DCUN1D3: variants seen among roughly 807,000 people sequenced by gnomAD.
The protein encoded by DCUN1D3 is defective in cullin neddylation 1 domain containing 3.
Under a neutral mutation model 24.8 loss-of-function variants are expected in DCUN1D3, and 6 were observed. The ratio of observed to expected loss-of-function variants is 0.24; its 90% CI spans 0.13 to 0.48. The LOEUF (loss-of-function observed/expected upper bound fraction) is 0.48, where lower values mean the gene tolerates loss of function less well. Among genes scored for constraint, DCUN1D3 ranks in the 20% least tolerant of loss-of-function variants. The pLI, the probability that DCUN1D3 is intolerant of heterozygous loss-of-function variation, is 0.99. For synonymous variants in DCUN1D3, 120 were observed against 144.9 expected (o/e 0.83, Z 1.24); for missense variants, 258 against 379.4 (o/e 0.68, Z 2.66).
chr16:20,861,462 A>T (rs2081732166), intron 2 of DCUN1D3, among the ~76,000 whole-genome samples: 2 of 151,872 alleles, frequency 1.3e-5, no homozygotes, highest in Non-Finnish European at 2.9e-5. Context: ...GGAGGGAGAG[A>T]GGTGTATCCC....
intron 2 of DCUN1D3, among the ~76,000 whole-genome samples, chr16:20,861,301 TG>T (rs2081731156): frequency 6.8e-6 from 1 of 147,962 alleles, no homozygotes; most frequent in Admixed American, 6.7e-5. Flanking sequence ...ACAGTGCAAG[TG>T]GCTTCATGGA....
chr16:20,899,198 T>C (rs2081942087), intron 1 of DCUN1D3, among the ~76,000 whole-genome samples: 1 of 152,236 alleles, frequency 6.6e-6, no homozygotes, highest in Non-Finnish European at 1.5e-5. Context: ...AAGTGCATCA[T>C]GAAAAGTGGG....
rs901093786 is a variant in DCUN1D3, at chr16:20,855,515, A to G, written c.*4371T>C. On this transcript the variant is annotated 3_prime_UTR_variant, in exon 3 of 3. Coordinates refer to ENST00000324344, the MANE Select transcript of DCUN1D3 (RefSeq NM_173475.4). ...ATTTATGAGATAGGCTGGGTTTCCA[A>G]GAAGAGAAGAATAGGGAGGACATGA... 1 of 152,238 alleles carries G rather than the reference A, an allele frequency of 6.6e-6. No individual in the cohort carries two copies. The highest frequency in any genetic ancestry group is 2.4e-5 in the African/African-American group (1 of 41,456). The allele number at this position is 152,238 out of a possible 1,614,324, so 9.4% of individuals were successfully genotyped here. A position where few individuals can be genotyped will look rare whatever the true frequency, so the allele number is the denominator to read the frequency against.
At chr16:20,865,314 G>C (rs769211304) in intron 1 of DCUN1D3, among the ~76,000 whole-genome samples, 2 of 152,102 alleles carry the variant, frequency 1.3e-5, no homozygotes, top group Non-Finnish European at 2.9e-5. Context: ...AAAAAGAAAA[G>C]TTTGCACTGA....
chr16:20,899,481 A>C (rs1851647530), intron 1 of DCUN1D3, among the ~76,000 whole-genome samples: 1 of 152,222 alleles, frequency 6.6e-6, no homozygotes. Flanking sequence ...GAGGCTGAAC[A>C]CCAAATTCAA....
intron 1 of DCUN1D3, among the ~76,000 whole-genome samples, chr16:20,881,144 T>A (rs764458825): frequency 1.3e-5 from 2 of 152,218 alleles, no homozygotes; most frequent in Non-Finnish European, 1.5e-5. Context: ...AATGCACACA[T>A]ATAAAGCCAT....
chr16:20,859,654 G>T lies in DCUN1D3; in HGVS notation c.*232C>A, dbSNP rs2081720441. On this transcript the variant is annotated 3_prime_UTR_variant, in exon 3 of 3. Coordinates refer to ENST00000324344, the MANE Select transcript of DCUN1D3 (RefSeq NM_173475.4). ...AAAAAAGATACACAACATGTAACCAGGTTCAAATATTCTGGGAGATCCCCC... is the reference window on the plus strand; with the variant it reads ...AAAAAAGATACACAACATGTAACCATGTTCAAATATTCTGGGAGATCCCCC... 2.2e-6 allele frequency: 1 copy of T among 463,644 alleles called. No homozygotes were observed. Among genetic ancestry groups the T allele is most frequent in the Non-Finnish European group, 3.7e-6 (1 of 271,500 alleles). 28.7% of individuals were successfully genotyped at this position (463,644 alleles called of 1,614,324 possible). A position where few individuals can be genotyped will look rare whatever the true frequency, so the allele number is the denominator to read the frequency against.
intron 1 of DCUN1D3, among the ~76,000 whole-genome samples, chr16:20,885,249 T>C (rs929760590): frequency 3.3e-5 from 5 of 152,198 alleles, no homozygotes; most frequent in Admixed American, 2.6e-4. Flanking sequence ...GTGCTGGGAT[T>C]ACAGGTGTGA....
intron 1 of DCUN1D3, chr16:20,899,900 C>G (rs550670348): frequency 6.6e-6 from 1 of 152,558 alleles, no homozygotes; most frequent in African/African-American, 2.4e-5. Context: ...CAGCGCTCAC[C>G]CAGGACAGAG....
intron 1 of DCUN1D3, among the ~76,000 whole-genome samples, chr16:20,892,369 A>C (rs1244419449): frequency 3.9e-5 from 6 of 152,160 alleles, no homozygotes; most frequent in Non-Finnish European, 8.8e-5. Context: ...TGAGACTTCC[A>C]GTGTGCCCCT....
intron 1 of DCUN1D3, among the ~76,000 whole-genome samples, chr16:20,870,403 A>G (rs1032447201): frequency 3.3e-5 from 5 of 152,192 alleles, no homozygotes; most frequent in African/African-American, 9.7e-5. Flanking sequence ...CCTCTCCTTA[A>G]TCATCTTAGT....
chr16:20,860,548 T>C lies in DCUN1D3; in HGVS notation c.432-179A>G, dbSNP rs1415095475. On this transcript the variant is annotated intron_variant, in intron 2 of 2. Transcript: ENST00000324344. This position sits in a 1 kb window ranked among gnomAD's most constrained non-coding sequence, Gnocchi z 4.3. ...ATGGTAAAAATACCACCTTACTTCA[T>C]AGGGTTTTGGTGAGGACTAAACAAA... Among the ~76,000 whole-genome samples the C allele has an allele frequency of 6.6e-6, 1 of 152,254 alleles. No homozygotes were observed. Among genetic ancestry groups the C allele is most frequent in the Non-Finnish European group, 1.5e-5 (1 of 68,042 alleles).
chr16:20,880,617 A>C (rs2081838488), intron 1 of DCUN1D3, among the ~76,000 whole-genome samples: 1 of 146,406 alleles, frequency 6.8e-6, no homozygotes, highest in African/African-American at 2.7e-5. Context: ...AAAAAAAAAA[A>C]AAAAAAAAAA....
intron 1 of DCUN1D3, among the ~76,000 whole-genome samples, chr16:20,874,748 CTCA>C (rs1224941604): frequency 5.9e-5 from 9 of 152,262 alleles, no homozygotes; most frequent in African/African-American, 2.2e-4. Context: ...ACAGGAAATG[CTCA>C]TGTTTGCACA....
At chr16:20,877,333 T>C (rs1489609349) in intron 1 of DCUN1D3, among the ~76,000 whole-genome samples, 1 of 152,166 alleles carries the variant, frequency 6.6e-6, no homozygotes, top group East Asian at 1.9e-4. Flanking sequence ...TGCTGACATG[T>C]GTTCCATGTT....
At chr16:20,895,171 T>G (rs1596642421) in intron 1 of DCUN1D3, among the ~76,000 whole-genome samples, 1 of 152,210 alleles carries the variant, frequency 6.6e-6, no homozygotes, top group African/African-American at 2.4e-5. Flanking sequence ...TCACGGCTAC[T>G]ACAGCCTCAA....
chr16:20,862,697 C>A (rs2152516038), intron 1 of DCUN1D3, 54 bp from the exon 2 acceptor site: 3 of 1,462,606 alleles, frequency 2.1e-6, no homozygotes, highest in South Asian at 1.4e-5. Flanking sequence ...GGGGTATGGA[C>A]CCTACCTTCT....
At position 20,868,664 on chromosome 16, in the gene DCUN1D3, G is replaced by A. The variant is rs569169930; in HGVS notation, c.-105-6021C>T. 1.4e-4 allele frequency among the ~76,000 whole-genome samples: 22 copies of A among 152,322 alleles called. No individual in the cohort carries two copies. In the South Asian group the frequency reaches 2.1e-3, roughly 14 times the overall value. The stretch of plus-strand genomic sequence containing the variant: ...GAATCGTCTCCCTTCTCCTAGAACA[G>A]TGCTCTTTTCAGGAGCCAGCCCAGA... On this transcript the variant is annotated intron_variant, in intron 1 of 2. Coordinates refer to ENST00000324344, the MANE Select transcript of DCUN1D3 (RefSeq NM_173475.4).
At position 20,873,660 on chromosome 16, in the gene DCUN1D3, G is replaced by A. The variant is rs373966499; in HGVS notation, c.-105-11017C>T. 9.1e-4 allele frequency among the ~76,000 whole-genome samples: 138 copies of A among 152,278 alleles called. 4 individuals are homozygous for A. In the South Asian group the frequency reaches 0.028, roughly 31 times the overall value. The stretch of plus-strand genomic sequence containing the variant: ...TTCCCTCGCTCTCGGCCATATGGCT[G>A]GGTGGGGTTCATAAAGAACTATGGG... On this transcript the variant is annotated intron_variant, in intron 1 of 2. Coordinates refer to ENST00000324344, the MANE Select transcript of DCUN1D3 (RefSeq NM_173475.4).
Sources: gnomAD v4.1 joint callset for allele counts (sites outside exome capture counted in the v4.1 genomes callset) on GRCh38, gnomAD v4.1.1 for gene constraint, Gnocchi (gnomAD v3.1) non-coding constraint, MANE v1.5 for transcripts, NCBI Gene and HGNC (gene_info 2026-07-23, HGNC 2026-07-21) for gene names.